Variants in SHOX2 observed in about 807,000 individuals in gnomAD.
The protein encoded by SHOX2 is short stature homeobox protein 2.
Under a neutral mutation model 31.3 loss-of-function variants are expected in SHOX2, and 13 were observed. That is an observed-to-expected ratio of 0.42 (90% CI 0.27 to 0.66). The LOEUF (loss-of-function observed/expected upper bound fraction) is 0.66, where lower values mean the gene tolerates loss of function less well. SHOX2 is among the 30% of genes least tolerant of loss of function. The probability of loss-of-function intolerance (pLI) is 0.27; values close to 1 mark genes in which losing one functional copy is unlikely to be tolerated. For missense variants in SHOX2, 473 were observed against 443.0 expected (o/e 1.07, Z -0.61); for synonymous variants, 244 against 196.2 (o/e 1.24, Z -2.04).
Position 158,102,690 on chromosome 3 carries a change from C to T in SHOX2, c.543G>A (p.Glu181=). 6.2e-7 allele frequency: 1 copy of T among 1,614,142 alleles called. No homozygotes were observed. Among genetic ancestry groups the T allele is most frequent in the Non-Finnish European group, 8.5e-7 (1 of 1,180,028 alleles). The change falls in exon 2 of 5, where the codon GAG becomes GAA. Residue 181 remains glutamate (E), a synonymous_variant. Coordinates refer to ENST00000483851, the MANE Select transcript of SHOX2 (RefSeq NM_001163678.2). ...GGCAGCTGGGTACCTGCACTCGGGC[C>T]TCCGACAGGCCCAGTCGCTGGCTCA... ...EELSQRLGLS[E]ARVQVWFQNR...
rs927507117 is a variant in SHOX2 at position 158,097,869 on chromosome 3, C to T, written c.*158G>A. The T allele has an allele frequency of 8.2e-6, 8 of 977,870 alleles. No individual in the cohort carries two copies. In the African/African-American group the frequency reaches 1.1e-4, roughly 14 times the overall value. The allele number at this position is 977,870 out of a possible 1,614,324, so 60.6% of individuals were successfully genotyped here. ...CTGGTCCTGCGTGGAGTCTGGCTTTCCGAGTCCAAGATGCGATAGGGGACG... is the reference window on the plus strand; with the variant it reads ...CTGGTCCTGCGTGGAGTCTGGCTTTTCGAGTCCAAGATGCGATAGGGGACG... On this transcript the variant is annotated 3_prime_UTR_variant, in exon 5 of 5. Coordinates refer to ENST00000483851, the MANE Select transcript of SHOX2 (RefSeq NM_001163678.2).
chr3:158,102,575 C>T (rs1649443861), intron 2 of SHOX2, 103 bp downstream of exon 2: 1 of 901,374 alleles, frequency 1.1e-6, no homozygotes, highest in Non-Finnish European at 1.8e-6. Context: ...TCATCTTACA[C>T]CAGACACTAG....
Position 158,105,797 on chromosome 3 carries a change from T to A in SHOX2, c.228A>T (p.Gly76=), listed in dbSNP as rs1470839086. 1.4e-6 allele frequency: 2 copies of A among 1,470,624 alleles called. No homozygotes were observed. The highest frequency in any genetic ancestry group is 1.8e-6 in the Non-Finnish European group (2 of 1,113,536). The allele number at this position is 1,470,624 out of a possible 1,614,324, so 91.1% of individuals were successfully genotyped here. A position where few individuals can be genotyped will look rare whatever the true frequency, so the allele number is the denominator to read the frequency against. ...CGCCTGCTCCTCCTCCTCCTACACCTCCTCCGCCTCCTCCGCCGCCGCCTC... is the reference window on the plus strand; with the variant it reads ...CGCCTGCTCCTCCTCCTCCTACACCACCTCCGCCTCCTCCGCCGCCGCCTC... ...GGGGGGGGGG[G]GVGGGGAGGG... The change falls in exon 1 of 5, where the codon GGA becomes GGT. Residue 76 remains glycine, a synonymous_variant. Coordinates refer to ENST00000483851, the MANE Select transcript of SHOX2 (RefSeq NM_001163678.2).
chr3:158,100,194 A>G, intron 3 of SHOX2, 60 bp downstream of exon 3: 1 of 1,319,456 alleles, frequency 7.6e-7, no homozygotes, highest in Non-Finnish European at 1.1e-6. Flanking sequence ...TTGTAATAGT[A>G]ATATTCACTA....
chr3:158,098,263 C>T lies in SHOX2; in HGVS notation c.724G>A (p.Asp242Asn). ...FQQVQAQLQL[D>N]SAVAHAHHHL... ...TGGTGCGCGTGCGCCACAGCGCTGT[C>T]CAGCTGCAGCTGCGCCTGAACCTGA... is the stretch of plus-strand genomic sequence containing the variant. The change falls in exon 5 of 5, where the codon GAC (aspartate) becomes AAC (asparagine). Residue 242 changes from aspartate to asparagine, a missense_variant. Physicochemically the swap from Asp to Asn is conservative, Grantham distance 23. Around this residue, in one of 3 missense-constraint regions of SHOX2, gnomAD observed 182 missense variants for 167.2 expected, o/e 1.09. Coordinates refer to ENST00000483851, the MANE Select transcript of SHOX2 (RefSeq NM_001163678.2). The T allele has an allele frequency of 6.2e-7, 1 of 1,613,778 alleles. No individual in the cohort carries two copies. The highest frequency in any genetic ancestry group is 8.5e-7 in the Non-Finnish European group (1 of 1,179,856).
In SHOX2 at chr3:158,106,041, C is replaced by T. The variant is rs773528468; in HGVS notation, c.-17G>A. On this transcript the variant is annotated 5_prime_UTR_variant, in exon 1 of 5. Transcript: ENST00000483851. The stretch of plus-strand genomic sequence containing the variant: ...TTCTTCCATCGCCGCCGCACGTCAG[C>T]CCGGCGCTCAACCTCTGCCAGCAGA... The T allele has an allele frequency of 2.7e-5, 44 of 1,611,970 alleles. No homozygotes were observed. In the East Asian group the frequency reaches 4.0e-4, roughly 15 times the overall value.
In SHOX2 at chr3:158,097,349, C is replaced by T. The variant is rs1713179991; in HGVS notation, c.*678G>A. ...GTCAGTTTCAAAACCTGTGAACTTC[C>T]CAGCTGCGCACTTTTTTCATCTTAG... is the stretch of plus-strand genomic sequence containing the variant. On this transcript the variant is annotated 3_prime_UTR_variant, in exon 5 of 5. Transcript: ENST00000483851. 1 of 152,416 alleles carries T rather than the reference C, an allele frequency of 6.6e-6. No homozygotes were observed. The highest frequency in any genetic ancestry group is 2.4e-5 in the African/African-American group (1 of 41,398). 9.4% of individuals were successfully genotyped at this position (152,416 alleles called of 1,614,324 possible). A position where few individuals can be genotyped will look rare whatever the true frequency, so the allele number is the denominator to read the frequency against.
rs80228688 is a variant in SHOX2, at chr3:158,098,760, T to C, written c.703-476A>G. 3.5e-3 allele frequency among the ~76,000 whole-genome samples: 530 copies of C among 152,350 alleles called. 3 individuals are homozygous for C. The highest frequency in any genetic ancestry group is 0.012 in the African/African-American group (499 of 41,588). ...CCATCTTCACCACAATAGGCACAAT[T>C]GTGAGTCGGTACTTCTAACCTTTAT... On this transcript the variant is annotated intron_variant, in intron 4 of 4. Coordinates refer to ENST00000483851, the MANE Select transcript of SHOX2 (RefSeq NM_001163678.2).
In SHOX2 at chr3:158,098,157, A is replaced by G. The variant is rs749634167; in HGVS notation, c.830T>C (p.Leu277Pro). 11 of 1,613,370 alleles carry G rather than the reference A, an allele frequency of 6.8e-6. No individual in the cohort carries two copies. Among genetic ancestry groups the G allele is most frequent in the Non-Finnish European group, 5.9e-6 (7 of 1,179,660 alleles). ...GGCGGCGGAAGCCGAATCCGCGGCCAGCGTGGCGAGCGGCAGTCCGAAGGG... is the reference window on the plus strand; with the variant it reads ...GGCGGCGGAAGCCGAATCCGCGGCCGGCGTGGCGAGCGGCAGTCCGAAGGG... ...APPFGLPLAT[L>P]AADSASAASV... Residue 277 changes from leucine to proline, a missense_variant, in exon 5 of 5, where the codon CTG becomes CCG. Around this residue, in one of 3 missense-constraint regions of SHOX2, gnomAD observed 182 missense variants for 167.2 expected, o/e 1.09. Transcript: ENST00000483851.
In SHOX2 at chr3:158,105,424, C is replaced by G. The variant is rs1713831192; in HGVS notation, c.346+255G>C. ...AAAATGCATTTCGGTGGAATGGGAA[C>G]ATCTGGGAAGGGCGCGCACAAACCC... On this transcript the variant is annotated intron_variant, in intron 1 of 4. Transcript: ENST00000483851. 14 of 597,180 alleles carry G rather than the reference C, an allele frequency of 2.3e-5. No individual in the cohort carries two copies. In the East Asian group the frequency reaches 3.9e-4, roughly 17 times the overall value. The allele number at this position is 597,180 out of a possible 1,614,324, so 37.0% of individuals were successfully genotyped here.
chr3:158,099,495 G>C lies in SHOX2; in HGVS notation c.702+365C>G, dbSNP rs557246045. Among the ~76,000 whole-genome samples the C allele has an allele frequency of 3.7e-4, 56 of 152,338 alleles. 1 individual carries two copies. The South Asian group carries it at 7.7e-3, about 21-fold the overall frequency. The stretch of plus-strand genomic sequence containing the variant: ...TAAGAGGTAGAAAATACCTAGAAAA[G>C]TATCTAGAGGGTTGCCTTAGAAATA... On this transcript the variant is annotated intron_variant, in intron 4 of 4. Transcript: ENST00000483851.
intron 2 of SHOX2, 87 bp downstream of exon 2, chr3:158,102,591 C>T: frequency 9.5e-7 from 1 of 1,051,460 alleles, no homozygotes. Context: ...ACTAGAAGCA[C>T]CACCTCCCGA....
intron 1 of SHOX2, chr3:158,105,076 C>A (rs1461572021): frequency 5.1e-6 from 7 of 1,370,748 alleles, no homozygotes; most frequent in East Asian, 3.7e-5. Flanking sequence ...CGAAACGCCT[C>A]GCCCGGGAGA....
chr3:158,098,280 T>A lies in SHOX2; in HGVS notation c.707A>T (p.Gln236Leu). The A allele has an allele frequency of 6.2e-7, 1 of 1,613,546 alleles. No homozygotes were observed. The highest frequency in any genetic ancestry group is 8.5e-7 in the Non-Finnish European group (1 of 1,179,730). ...AGCGCTGTCCAGCTGCAGCTGCGCCTGAACCTGAAAGGACAAGGGCGTCAC... is the reference window on the plus strand; with the variant it reads ...AGCGCTGTCCAGCTGCAGCTGCGCCAGAACCTGAAAGGACAAGGGCGTCAC... ...GALRMPFQQVQAQLQLDSAVA... is the reference protein window; with the variant it reads ...GALRMPFQQVLAQLQLDSAVA... The change falls in exon 5 of 5, where the codon CAG (glutamine) becomes CTG (leucine). Residue 236 changes from glutamine (Q) to leucine (L), a missense_variant. This residue lies in a region of SHOX2 where 182 missense variants were observed against 167.2 expected (regional missense o/e 1.09). Transcript: ENST00000483851.
At chr3:158,105,330 C>T in intron 1 of SHOX2, 1 of 591,670 alleles carries the variant, frequency 1.7e-6, no homozygotes, top group Non-Finnish European at 3.0e-6. Flanking sequence ...CCTCCTGCAG[C>T]CCGGCCCCGC....
In SHOX2 at chr3:158,105,997, T is replaced by G; in HGVS notation, c.28A>C (p.Lys10Gln). The G allele has an allele frequency of 1.9e-6, 3 of 1,613,152 alleles. No individual in the cohort carries two copies. The highest frequency in any genetic ancestry group is 2.5e-6 in the Non-Finnish European group (3 of 1,179,782). Residue 10 changes from lysine to glutamine, a missense_variant, in exon 1 of 5, where the codon AAG becomes CAG. Lys to Gln is a moderately conservative substitution (Grantham distance 53). Coordinates refer to ENST00000483851, the MANE Select transcript of SHOX2 (RefSeq NM_001163678.2). Reference sequence around the variant, plus strand: ...TCCTTCACTTTCTGGTCAAAAGACTTGGAGACGAACGCCGTAAGTTCTTCC... The same window carrying G: ...TCCTTCACTTTCTGGTCAAAAGACTGGGAGACGAACGCCGTAAGTTCTTCC... MEELTAFVSKSFDQKVKEKK... is the reference protein window; with the variant it reads MEELTAFVSQSFDQKVKEKK...
chr3:158,102,063 C>A (rs2108126238), intron 2 of SHOX2, among the ~76,000 whole-genome samples: 1 of 152,258 alleles, frequency 6.6e-6, no homozygotes, highest in Admixed American at 6.5e-5. Flanking sequence ...GTTTCGTTGC[C>A]TTGGTTAAAT....
intron 4 of SHOX2, 139 bp from the exon 5 acceptor site, chr3:158,098,423 C>T (rs1713274871): frequency 1.9e-6 from 2 of 1,048,822 alleles, no homozygotes; most frequent in Non-Finnish European, 2.8e-6. Flanking sequence ...TTTGGCTGTG[C>T]ATCTTGTTCC....
intron 1 of SHOX2, chr3:158,105,107 A>T (rs1713800583): frequency 1.4e-6 from 2 of 1,447,144 alleles, no homozygotes; most frequent in Non-Finnish European, 1.8e-6. Flanking sequence ...CCTGGACCTC[A>T]GCTTTCGTTG....
Sources: allele counts gnomAD v4.1 joint callset (sites outside exome capture counted in the v4.1 genomes callset), GRCh38; gene constraint gnomAD v4.1.1; regional missense constraint gnomAD v4.1.1; transcripts MANE v1.5; gene names NCBI Gene and HGNC (gene_info 2026-07-23, HGNC 2026-07-21).